Variants in PRH1 observed in about 807,000 individuals in gnomAD.
PRH1 encodes proline rich protein HaeIII subfamily 1.
In PRH1, 7 loss-of-function variants were observed where a neutral mutation model predicts 7.9. The ratio of observed to expected loss-of-function variants is 0.89; its 90% confidence interval spans 0.50 to 1.67. The LOEUF is 1.67. PRH1 is among the 40% of genes most tolerant of loss of function. The pLI is 0.00. For synonymous variants in PRH1, 45 were observed against 80.8 expected (o/e 0.56, Z 2.38); for missense variants, 109 against 223.6 (o/e 0.49, Z 3.27).
chr12:10,931,286 C>T, intron 2 of PRH1: 2 of 1,092,354 alleles, frequency 1.8e-6, no homozygotes, highest in Middle Eastern at 3.1e-4. Context: ...TTGAGAATCA[C>T]TATCTTCAAA....
upstream of PRH1, among the ~76,000 whole-genome samples, chr12:11,048,047 T>C (rs1041918809): frequency 6.6e-6 from 1 of 152,138 alleles, no homozygotes; most frequent in African/African-American, 2.4e-5. Flanking sequence ...TGAACTATCA[T>C]AAAATATACC....
chr12:11,125,948 C>T (rs567895827), intron 1 of PRH1, among the ~76,000 whole-genome samples: 1 of 152,226 alleles, frequency 6.6e-6, no homozygotes, highest in African/African-American at 2.4e-5. Context: ...CTCTATTCTT[C>T]TTTATTCAGC....
intron 2 of PRH1, among the ~76,000 whole-genome samples, chr12:10,967,785 C>T (rs1190704657): frequency 2.0e-5 from 3 of 152,178 alleles, no homozygotes; most frequent in Non-Finnish European, 4.4e-5. Context: ...CCATTGTATT[C>T]CATGAATTAA....
chr12:11,081,063 C>T (rs77372133), intron 1 of PRH1, among the ~76,000 whole-genome samples: 1 of 89,906 alleles, frequency 1.1e-5, no homozygotes, highest in Non-Finnish European at 2.7e-5. Flanking sequence ...TTTTGGAAAA[C>T]TCCTTGCAAC....
chr12:10,951,409 A>G (rs2135914322), intron 2 of PRH1, among the ~76,000 whole-genome samples: 1 of 152,322 alleles, frequency 6.6e-6, no homozygotes. Flanking sequence ...TACCAGATAC[A>G]TGTAAACAGA....
intron 1 of PRH1, among the ~76,000 whole-genome samples, chr12:11,021,276 T>C (rs907437518): frequency 1.3e-5 from 2 of 151,926 alleles, no homozygotes; most frequent in Non-Finnish European, 2.9e-5. Context: ...TCACCAATGA[T>C]AGTTAAGCAC....
intron 2 of PRH1, chr12:10,897,030 C>G (rs925802791): frequency 6.6e-6 from 1 of 152,052 alleles, no homozygotes; most frequent in Non-Finnish European, 1.5e-5. Context: ...TCACAATGTC[C>G]AAACCCACAT....
At chr12:10,953,687 T>C (rs1235798366) in intron 2 of PRH1, among the ~76,000 whole-genome samples, 1 of 152,200 alleles carries the variant, frequency 6.6e-6, no homozygotes, top group African/African-American at 2.4e-5. Context: ...GGAAAACCTA[T>C]TTCAGGATAT....
chr12:11,166,913 G>C (rs1947599405), intron 1 of PRH1, among the ~76,000 whole-genome samples: 1 of 152,158 alleles, frequency 6.6e-6, no homozygotes, highest in South Asian at 2.1e-4. Context: ...GCAGACCTTG[G>C]TTTGGGGCCT....
intron 1 of PRH1, among the ~76,000 whole-genome samples, chr12:11,135,522 A>C (rs571623488): frequency 2.2e-4 from 11 of 49,960 alleles, no homozygotes; most frequent in African/African-American, 6.4e-4. Context: ...CCATTTAGAA[A>C]AACAAAATCC....
chr12:10,938,508 T>C (rs1191876450), intron 2 of PRH1: 2 of 1,613,980 alleles, frequency 1.2e-6, no homozygotes, highest in Non-Finnish European at 1.7e-6. Flanking sequence ...AAGAAAGTGA[T>C]CACACTTTTA....
chr12:10,997,062 G>C (rs1354099404), intron 1 of PRH1: 13 of 1,613,998 alleles, frequency 8.1e-6, no homozygotes, highest in Non-Finnish European at 1.1e-5. Flanking sequence ...TGGAATGATG[G>C]ATATATGATT....
chr12:11,146,106 G>A (rs1270655907), intron 1 of PRH1, among the ~76,000 whole-genome samples: 2 of 152,068 alleles, frequency 1.3e-5, no homozygotes, highest in Non-Finnish European at 2.9e-5. Context: ...TCTACCAGTA[G>A]TGAAAGAGAT....
intron 2 of PRH1, among the ~76,000 whole-genome samples, chr12:10,967,503 T>A (rs1453060146): frequency 1.3e-5 from 2 of 152,236 alleles, no homozygotes; most frequent in Non-Finnish European, 2.9e-5. Flanking sequence ...AAATGTTTCT[T>A]CACATCTGGT....
intron 1 of PRH1, chr12:11,022,146 A>T: frequency 1.2e-6 from 2 of 1,613,946 alleles, no homozygotes; most frequent in Non-Finnish European, 1.7e-6. Flanking sequence ...CAGCAAGATT[A>T]CAAATCAGAA....
chr12:11,036,872 A>C, intron 1 of PRH1, among the ~76,000 whole-genome samples: 1 of 152,234 alleles, frequency 6.6e-6, no homozygotes, highest in South Asian at 2.1e-4. Flanking sequence ...GAAAGGGAGA[A>C]TGCTATTTGA....
chr12:11,132,745 T>C (rs1946397688), intron 1 of PRH1, among the ~76,000 whole-genome samples: 1 of 152,236 alleles, frequency 6.6e-6, no homozygotes, highest in African/African-American at 2.4e-5. Flanking sequence ...ACAATAATTC[T>C]GATTGCTTTT....
At chr12:11,058,648 C>T (rs1471508517) in intron 1 of PRH1, among the ~76,000 whole-genome samples, 1 of 152,294 alleles carries the variant, frequency 6.6e-6, no homozygotes, top group Non-Finnish European at 1.5e-5. Context: ...ACTGCTATGG[C>T]CACTGAGCCA....
At chr12:10,982,205 T>G (rs1168830114) in intron 1 of PRH1, among the ~76,000 whole-genome samples, 2 of 152,184 alleles carry the variant, frequency 1.3e-5, no homozygotes, top group African/African-American at 4.8e-5. Context: ...GCTTCTGAAA[T>G]TCTACTTTCC....
Sources: allele counts gnomAD v4.1 joint callset (sites outside exome capture counted in the v4.1 genomes callset), GRCh38; gene constraint gnomAD v4.1.1; transcripts MANE v1.5; gene names NCBI Gene and HGNC (gene_info 2026-07-23, HGNC 2026-07-21).